GRM7: variants seen among roughly 807,000 people sequenced by gnomAD.
The protein encoded by GRM7 is glutamate metabotropic receptor 7, also known as metabotropic glutamate receptor 7.
In GRM7, 35 loss-of-function variants were observed where a neutral mutation model predicts 84.5. The observed-to-expected ratio is 0.41, with a 90% CI of 0.32 to 0.55. The LOEUF (loss-of-function observed/expected upper bound fraction) is 0.55. Among genes scored for constraint, GRM7 ranks in the 20% least tolerant of loss-of-function variants. GRM7 has a pLI of 0.19. For missense variants in GRM7, 1,003 were observed against 1,194.6 expected, an observed-to-expected ratio of 0.84 and a Z score of 2.36; for synonymous variants, 487 against 455.1, an observed-to-expected ratio of 1.07 and a Z score of -0.89.
At chr3:6,964,173 T>C (rs1693408176) in intron 1 of GRM7, among the ~76,000 whole-genome samples, 1 of 152,182 alleles carries the variant, frequency 6.6e-6, no homozygotes, top group Non-Finnish European at 1.5e-5. Flanking sequence ...CCTGTCTCAG[T>C]CAGCGGGGCT....
rs969554608 is a variant in GRM7 at position 7,680,375 on chromosome 3, G to A, written c.2698+80G>A. On this transcript the variant is annotated intron_variant, in intron 9 of 9. Coordinates refer to ENST00000357716, the MANE Select transcript of GRM7 (RefSeq NM_000844.4). ...AGATGTGGGGTGTGCTTGCCTCTCT[G>A]GAGAAATACTGTGATCGTTCTTGTC... The A allele has an allele frequency of 3.5e-6, 5 of 1,424,420 alleles. No individual in the cohort carries two copies. The Admixed American group carries it at 5.2e-5, about 15-fold the overall frequency. 88.2% of individuals were successfully genotyped at this position (1,424,420 alleles called of 1,614,324 possible). A position where few individuals can be genotyped will look rare whatever the true frequency, so the allele number is the denominator to read the frequency against.
chr3:7,047,279 CT>C (rs976003232), intron 1 of GRM7, among the ~76,000 whole-genome samples: 1 of 151,934 alleles, frequency 6.6e-6, no homozygotes, highest in Admixed American at 6.6e-5. Context: ...TAGAATCTGG[CT>C]TTTTTACAGA....
At chr3:7,586,238 A>T (rs1695510837) in intron 8 of GRM7, among the ~76,000 whole-genome samples, 1 of 152,218 alleles carries the variant, frequency 6.6e-6, no homozygotes, top group African/African-American at 2.4e-5. Flanking sequence ...GGAATATAAA[A>T]CATGGTACAA....
At chr3:7,569,445 C>T (rs1421637976) in intron 7 of GRM7, among the ~76,000 whole-genome samples, 1 of 152,114 alleles carries the variant, frequency 6.6e-6, no homozygotes, top group African/African-American at 2.4e-5. Flanking sequence ...TGTAAACACA[C>T]CAATCAGCAC....
At chr3:7,661,684 C>T (rs1699451900) in intron 8 of GRM7, among the ~76,000 whole-genome samples, 1 of 148,926 alleles carries the variant, frequency 6.7e-6, no homozygotes, top group African/African-American at 2.5e-5. Context: ...GTCCCAGCTA[C>T]TCCGAAGGCT....
intron 5 of GRM7, among the ~76,000 whole-genome samples, chr3:7,428,292 C>T (rs554492673): frequency 2.3e-4 from 35 of 149,902 alleles, no homozygotes; most frequent in Admixed American, 1.2e-3. Context: ...TGAAAAAGAG[C>T]TTTCACTTCT....
intron 2 of GRM7, among the ~76,000 whole-genome samples, chr3:7,174,804 G>A (rs1223159388): frequency 6.6e-6 from 1 of 152,278 alleles, no homozygotes; most frequent in East Asian, 1.9e-4. Flanking sequence ...TTCTTGGCTG[G>A]GTAGCTGCCT....
intron 7 of GRM7, among the ~76,000 whole-genome samples, chr3:7,542,551 ATTTT>A (rs35372177): frequency 2.9e-5 from 4 of 136,700 alleles, no homozygotes; most frequent in African/African-American, 2.7e-5. Context: ...ATGCATAGCA[ATTTT>A]TTTTTTTTTT....
chr3:7,490,935 A>G (rs1164220784), intron 7 of GRM7, among the ~76,000 whole-genome samples: 1 of 152,048 alleles, frequency 6.6e-6, no homozygotes, highest in Admixed American at 6.6e-5. Flanking sequence ...ACAAAAGAAA[A>G]ACAAGAAAAA....
intron 8 of GRM7, among the ~76,000 whole-genome samples, chr3:7,679,463 C>G (rs986893745): frequency 1.3e-5 from 2 of 151,692 alleles, no homozygotes; most frequent in African/African-American, 4.8e-5. Flanking sequence ...ATCACTAGAT[C>G]TTGTTCACTT....
intron 7 of GRM7, among the ~76,000 whole-genome samples, chr3:7,551,429 G>T (rs1693469105): frequency 6.6e-6 from 1 of 152,100 alleles, no homozygotes. Context: ...TGCTATTCCT[G>T]TGAGTAGTAG....
chr3:7,244,473 G>T (rs1419575694), intron 2 of GRM7, among the ~76,000 whole-genome samples: 1 of 152,078 alleles, frequency 6.6e-6, no homozygotes. Flanking sequence ...AGACTTCAAA[G>T]TCTCAGCAGA....
chr3:7,545,718 AAAG>A (rs1302279557), intron 7 of GRM7, among the ~76,000 whole-genome samples: 3 of 152,176 alleles, frequency 2.0e-5, no homozygotes, highest in Admixed American at 1.3e-4. Flanking sequence ...TGATTGAGAG[AAAG>A]AAGAAGGCAA....
intron 2 of GRM7, among the ~76,000 whole-genome samples, chr3:7,178,128 C>A (rs866948004): frequency 1.3e-5 from 2 of 152,166 alleles, no homozygotes; most frequent in Admixed American, 6.5e-5. Context: ...CTTAAAGAAT[C>A]ATTTCTCTGT....
chr3:7,284,156 T>C (rs1175291810), intron 2 of GRM7, among the ~76,000 whole-genome samples: 7 of 152,112 alleles, frequency 4.6e-5, no homozygotes. Context: ...ATTTTTCAGA[T>C]TTAATTAGCT....
At chr3:7,153,679 C>G (rs150434119) in intron 2 of GRM7, among the ~76,000 whole-genome samples, 1 of 152,118 alleles carries the variant, frequency 6.6e-6, no homozygotes, top group Non-Finnish European at 1.5e-5. Context: ...AAAAAAGGGA[C>G]AAGAAATCTG....
chr3:7,174,291 A>C (rs562386434), intron 2 of GRM7, among the ~76,000 whole-genome samples: 1 of 152,374 alleles, frequency 6.6e-6, no homozygotes, highest in Admixed American at 6.5e-5. Context: ...ATAAAACTGG[A>C]GAGCCTAGAG....
chr3:7,733,852 GC>G (rs1331887269), intron 9 of GRM7, among the ~76,000 whole-genome samples: 1 of 152,018 alleles, frequency 6.6e-6, no homozygotes, highest in Non-Finnish European at 1.5e-5. Flanking sequence ...ATATTGCCCT[GC>G]CCTCTTCTTA....
chr3:7,693,806 A>G, intron 9 of GRM7: 1 of 594,482 alleles, frequency 1.7e-6, no homozygotes, highest in Non-Finnish European at 3.0e-6. Context: ...AGTCGGGGGT[A>G]GTTCTCATCA....
Sources: gnomAD v4.1 joint callset for allele counts (sites outside exome capture counted in the v4.1 genomes callset) on GRCh38, gnomAD v4.1.1 for gene constraint, MANE v1.5 for transcripts, NCBI Gene and HGNC (gene_info 2026-07-23, HGNC 2026-07-21) for gene names.